DTNA: variants seen among roughly 807,000 people sequenced by gnomAD.
The protein encoded by DTNA is dystrobrevin alpha, also known as dystrophin-related protein 3.
Under a neutral mutation model 100.7 loss-of-function variants are expected in DTNA, and 43 were observed. The ratio of observed to expected loss-of-function variants is 0.43; its 90% CI spans 0.33 to 0.55. DTNA has a LOEUF of 0.55. Among genes scored for constraint, DTNA ranks in the 20% least tolerant of loss-of-function variants. The pLI, the probability that DTNA is intolerant of heterozygous loss-of-function variation, is 0.04. For synonymous variants in DTNA, 349 were observed against 347.9 expected (o/e 1.00, Z -0.04); for missense variants, 798 against 953.9 (o/e 0.84, Z 2.15).
At chr18:34,630,997 T>G (rs1386450342) in intron 1 of DTNA, among the ~76,000 whole-genome samples, 1 of 152,132 alleles carries the variant, frequency 6.6e-6, no homozygotes, top group Non-Finnish European at 1.5e-5. Flanking sequence ...ATCATAGGCA[T>G]GGCTAGGAGA....
At chr18:34,522,315 G>A (rs2042220618) in intron 1 of DTNA, among the ~76,000 whole-genome samples, 1 of 152,134 alleles carries the variant, frequency 6.6e-6, no homozygotes, top group Non-Finnish European at 1.5e-5. Context: ...GCTATAAAGA[G>A]GGCATGCTAT....
intron 6 of DTNA, among the ~76,000 whole-genome samples, chr18:34,814,674 A>G (rs2095557596): frequency 6.6e-6 from 1 of 152,114 alleles, no homozygotes; most frequent in Admixed American, 6.5e-5. Flanking sequence ...CCTGGGCAGC[A>G]GAGTGAGATC....
chr18:34,819,352 A>C (rs1249280696), intron 8 of DTNA, among the ~76,000 whole-genome samples: 1 of 152,228 alleles, frequency 6.6e-6, no homozygotes, highest in African/African-American at 2.4e-5. Flanking sequence ...GAATTCAAGC[A>C]ACAGTTCTTC....
intron 1 of DTNA, among the ~76,000 whole-genome samples, chr18:34,616,527 C>T (rs1382815558): frequency 2.0e-5 from 3 of 152,198 alleles, no homozygotes; most frequent in Non-Finnish European, 4.4e-5. Context: ...GTTTTGGTTA[C>T]TGCAGCCTAG....
chr18:34,812,259 C>A (rs2095500431), intron 6 of DTNA, 146 bp downstream of exon 6: 1 of 1,155,886 alleles, frequency 8.7e-7, no homozygotes, highest in South Asian at 1.4e-5. Flanking sequence ...GGCAAATGAC[C>A]TCTGAGCCAG....
chr18:34,826,562 G>A (rs1312772147), intron 9 of DTNA, among the ~76,000 whole-genome samples: 1 of 152,056 alleles, frequency 6.6e-6, no homozygotes, highest in Admixed American at 6.5e-5. Flanking sequence ...TACAAATTTG[G>A]ATCTTAATTA....
intron 1 of DTNA, among the ~76,000 whole-genome samples, chr18:34,744,852 T>A (rs1468091748): frequency 6.6e-6 from 1 of 152,168 alleles, no homozygotes; most frequent in Non-Finnish European, 1.5e-5. Context: ...AACAGGGCAG[T>A]TCCTTTGAGT....
intron 4 of DTNA, among the ~76,000 whole-genome samples, chr18:34,795,495 CT>C (rs1489050072): frequency 6.6e-6 from 1 of 152,142 alleles, no homozygotes; most frequent in Non-Finnish European, 1.5e-5. Flanking sequence ...TAACTGGATG[CT>C]GGGGCAGGTA....
At chr18:34,736,115 G>A (rs2147520312) in intron 1 of DTNA, among the ~76,000 whole-genome samples, 1 of 152,306 alleles carries the variant, frequency 6.6e-6, no homozygotes, top group South Asian at 2.1e-4. Context: ...CACGTGAAGA[G>A]CTCTCACAAA....
intron 1 of DTNA, among the ~76,000 whole-genome samples, chr18:34,542,909 ATT>A (rs922155760): frequency 2.0e-5 from 3 of 151,196 alleles, no homozygotes; most frequent in Non-Finnish European, 4.4e-5. Flanking sequence ...GTATGTCCTC[ATT>A]TTTTTTTCTT....
Position 34,818,350 on chromosome 18 carries a change from A to G in DTNA, c.876+20A>G. 1 of 1,612,548 alleles carries G rather than the reference A, an allele frequency of 6.2e-7. No homozygotes were observed. Among genetic ancestry groups the G allele is most frequent in the South Asian group, 1.1e-5 (1 of 90,862 alleles). On this transcript the variant is annotated intron_variant, in intron 8 of 22. Transcript: ENST00000444659. ...TCATGGGTAAGGCAAGGTCCAGGCA[A>G]TACTTGGAGTTGGATGTGTGAGTGT...
At chr18:34,701,333 A>C (rs78899163) in intron 1 of DTNA, among the ~76,000 whole-genome samples, 1 of 152,056 alleles carries the variant, frequency 6.6e-6, no homozygotes, top group Non-Finnish European at 1.5e-5. Flanking sequence ...TCCCATTCTC[A>C]TCTTACTCAA....
intron 1 of DTNA, among the ~76,000 whole-genome samples, chr18:34,718,086 T>C (rs1244052099): frequency 6.6e-6 from 1 of 152,146 alleles, no homozygotes; most frequent in East Asian, 1.9e-4. Flanking sequence ...CCCTTGAAAA[T>C]TGTCGATTAC....
At chr18:34,838,495 T>C (rs780365890) in intron 12 of DTNA, among the ~76,000 whole-genome samples, 1 of 152,206 alleles carries the variant, frequency 6.6e-6, no homozygotes. Flanking sequence ...GGTTGAAAAA[T>C]GTAAATCTGT....
At chr18:34,772,868 G>T (rs989235485) in intron 3 of DTNA, among the ~76,000 whole-genome samples, 1 of 152,224 alleles carries the variant, frequency 6.6e-6, no homozygotes, top group African/African-American at 2.4e-5. Context: ...TGATTCTCAT[G>T]TTGGGATCAA....
At chr18:34,723,984 A>G (rs978401289) in intron 1 of DTNA, among the ~76,000 whole-genome samples, 5 of 152,228 alleles carry the variant, frequency 3.3e-5, no homozygotes, top group African/African-American at 1.2e-4. Flanking sequence ...AAATAAAATC[A>G]AACTGTGACA....
chr18:34,873,317 C>T (rs985141852), intron 17 of DTNA, among the ~76,000 whole-genome samples: 2 of 152,234 alleles, frequency 1.3e-5, no homozygotes, highest in Admixed American at 6.5e-5. Flanking sequence ...CTCTGTCCAA[C>T]TTCCCTTCTC....
intron 3 of DTNA, among the ~76,000 whole-genome samples, chr18:34,770,645 T>C (rs2093716529): frequency 6.6e-6 from 1 of 152,222 alleles, no homozygotes; most frequent in Non-Finnish European, 1.5e-5. Context: ...ATGAACTAAA[T>C]GAGGCCCAGA....
intron 1 of DTNA, among the ~76,000 whole-genome samples, chr18:34,576,659 ATG>A (rs2048140282): frequency 1.3e-5 from 2 of 152,050 alleles, no homozygotes; most frequent in Admixed American, 1.3e-4. Context: ...GGGTTTCACT[ATG>A]TTGCCCAGGC....
Sources: allele counts gnomAD v4.1 joint callset (sites outside exome capture counted in the v4.1 genomes callset), GRCh38; gene constraint gnomAD v4.1.1; transcripts MANE v1.5; gene names NCBI Gene and HGNC (gene_info 2026-07-23, HGNC 2026-07-21).